Variants in AFF2 observed in about 807,000 individuals in gnomAD.
The protein encoded by AFF2 is AF4/FMR2 family member 2.
In AFF2, 14 loss-of-function variants were observed where a neutral mutation model predicts 76.9. The ratio of observed to expected loss-of-function variants is 0.18; its 90% CI spans 0.12 to 0.28. AFF2 has a LOEUF of 0.28. Ranked by LOEUF, AFF2 falls within the 10% of genes least tolerant of loss-of-function variation. The pLI, the probability that AFF2 is intolerant of heterozygous loss-of-function variation, is 1.00. For synonymous variants in AFF2, 398 were observed against 366.7 expected (o/e 1.09, Z -0.98); for missense variants, 868 against 1,001.1 (o/e 0.87, Z 1.79).
intron 4 of AFF2, among the ~76,000 whole-genome samples, chrX:148,837,335 T>C (rs1404464481): frequency 1.8e-5 from 2 of 111,839 alleles, no homozygotes; most frequent in Non-Finnish European, 3.8e-5. Context: ...AGAAGATGCA[T>C]TCTGTGCAGC....
At chrX:148,775,816 G>T (rs1557268511) in intron 3 of AFF2, among the ~76,000 whole-genome samples, 2 of 109,479 alleles carry the variant, frequency 1.8e-5, no homozygotes, top group African/African-American at 6.6e-5. Flanking sequence ...TATATTTAGG[G>T]TCTACCAGAT....
chrX:148,773,747 A>AAAGAAAGG (rs1266070454), intron 3 of AFF2, among the ~76,000 whole-genome samples: 1 of 74,063 alleles, frequency 1.4e-5, no homozygotes, highest in Admixed American at 1.6e-4. Flanking sequence ...AGAAAGAAAG[A>AAAGAAAGG]GAAAGAAAGA....
At chrX:148,612,090 C>A (rs1159977210) in intron 1 of AFF2, among the ~76,000 whole-genome samples, 1 of 111,620 alleles carries the variant, frequency 9.0e-6, no homozygotes, top group Admixed American at 9.5e-5. Flanking sequence ...CTTAGGAAAC[C>A]CCCTCAGTCT....
At chrX:148,769,409 A>C (rs1454597211) in intron 3 of AFF2, among the ~76,000 whole-genome samples, 1 of 111,686 alleles carries the variant, frequency 9.0e-6, no homozygotes, top group Non-Finnish European at 1.9e-5. Context: ...CCTGTAACAG[A>C]AGAAACTAAG....
At chrX:148,937,802 A>C (rs1345474824) in intron 9 of AFF2, among the ~76,000 whole-genome samples, 1 of 112,317 alleles carries the variant, frequency 8.9e-6, no homozygotes, top group Non-Finnish European at 1.9e-5. Context: ...TTTTTCAATA[A>C]TAGATTTAGT....
At chrX:148,793,307 A>T (rs2069924388) in intron 3 of AFF2, among the ~76,000 whole-genome samples, 1 of 111,611 alleles carries the variant, frequency 9.0e-6, no homozygotes, top group South Asian at 3.7e-4. Context: ...CAAGTGCATC[A>T]AAAAGGTGCC....
rs1348827638 is a variant in AFF2 at position 148,820,797 on chromosome X, TTAAA to T, written c.1086+10882_1086+10885del. Among the ~76,000 whole-genome samples the T allele has an allele frequency of 2.5e-3, 279 of 111,802 alleles. 2 individuals carry two copies. Among genetic ancestry groups the T allele is most frequent in the African/African-American group, 8.8e-3 (271 of 30,819 alleles). On this transcript the variant is annotated intron_variant, in intron 4 of 20. Coordinates refer to ENST00000370460, the MANE Select transcript of AFF2 (RefSeq NM_002025.4). The stretch of plus-strand genomic sequence containing the variant: ...AAACATGCATGTTTACCCCCTGAAC[TTAAA>T]TAAAAATGAAAAAACAATTTAAGAG...
At chrX:148,532,500 T>C (rs1047376536) in intron 1 of AFF2, among the ~76,000 whole-genome samples, 15 of 112,545 alleles carry the variant, frequency 1.3e-4, no homozygotes, top group Admixed American at 1.3e-3. Context: ...GGAATGACTT[T>C]ATGACAGTTC....
At chrX:148,778,111 A>G (rs1372233535) in intron 3 of AFF2, among the ~76,000 whole-genome samples, 2 of 111,778 alleles carry the variant, frequency 1.8e-5, no homozygotes, top group Non-Finnish European at 3.8e-5. Context: ...GGAGATAACC[A>G]TGTGGTTTTT....
chrX:148,660,516 T>A, intron 2 of AFF2, among the ~76,000 whole-genome samples: 1 of 112,108 alleles, frequency 8.9e-6, no homozygotes, highest in Non-Finnish European at 1.9e-5. Context: ...ATAGGTATAC[T>A]CCCTGTGTAC....
At chrX:148,808,910 T>C (rs1172348921) in intron 3 of AFF2, among the ~76,000 whole-genome samples, 4 of 111,685 alleles carry the variant, frequency 3.6e-5, no homozygotes, top group Non-Finnish European at 7.5e-5. Flanking sequence ...GAGTTAATAA[T>C]CGTCCTTGCA....
chrX:148,845,766 A>G (rs1557274693), intron 7 of AFF2, among the ~76,000 whole-genome samples: 1 of 111,661 alleles, frequency 9.0e-6, no homozygotes, highest in East Asian at 2.8e-4. Flanking sequence ...CAGACTGCTA[A>G]TGCCTGCGCC....
chrX:148,622,493 A>C (rs782582332), intron 1 of AFF2, among the ~76,000 whole-genome samples: 2 of 111,885 alleles, frequency 1.8e-5, no homozygotes, highest in South Asian at 7.5e-4. Context: ...CTTAAAGTCA[A>C]CTTGTTGTGA....
At chrX:148,650,791 A>G (rs192118879) in intron 1 of AFF2, among the ~76,000 whole-genome samples, 1 of 111,960 alleles carries the variant, frequency 8.9e-6, no homozygotes. Context: ...CCTACCAATG[A>G]CAGGTATTAA....
At position 148,997,147 on chromosome X, in the gene AFF2, T is replaced by G. The variant is rs1007995729; in HGVS notation, c.*5815T>G. 8.9e-6 allele frequency: 1 copy of G among 112,212 alleles called. No homozygotes were observed. Among genetic ancestry groups the G allele is most frequent in the Non-Finnish European group, 1.9e-5 (1 of 53,220 alleles). The allele number at this position is 112,212 out of a possible 1,213,427, so 9.2% of individuals were successfully genotyped here. ...TTTTAGCTCTGAACTCAAACCAGAA[T>G]ATCTCTGTATCAATTGCATGACTAT... On this transcript the variant is annotated 3_prime_UTR_variant, in exon 21 of 21. Transcript: ENST00000370460.
intron 3 of AFF2, among the ~76,000 whole-genome samples, chrX:148,783,191 A>G (rs1413873292): frequency 9.0e-6 from 1 of 111,539 alleles, no homozygotes; most frequent in Non-Finnish European, 1.9e-5. Flanking sequence ...GTATAAAGAA[A>G]AAAGCCAATT....
intron 9 of AFF2, among the ~76,000 whole-genome samples, chrX:148,907,762 T>G (rs2071424478): frequency 9.0e-6 from 1 of 111,511 alleles, no homozygotes; most frequent in Admixed American, 9.5e-5. Context: ...GCATTGTCAT[T>G]GATAACATCT....
At chrX:148,988,762 C>A (rs2072502232) in intron 20 of AFF2, among the ~76,000 whole-genome samples, 1 of 112,074 alleles carries the variant, frequency 8.9e-6, no homozygotes, top group Admixed American at 9.4e-5. Context: ...TACACTGACT[C>A]CTGGGAATAT....
intron 4 of AFF2, among the ~76,000 whole-genome samples, chrX:148,813,462 A>G (rs1391466186): frequency 8.9e-6 from 1 of 112,567 alleles, no homozygotes; most frequent in Non-Finnish European, 1.9e-5. Context: ...TAATAAAACA[A>G]TAGCAAATTT....
Sources: gnomAD v4.1 joint callset for allele counts (sites outside exome capture counted in the v4.1 genomes callset) on GRCh38, gnomAD v4.1.1 for gene constraint, MANE v1.5 for transcripts, NCBI Gene and HGNC (gene_info 2026-07-23, HGNC 2026-07-21) for gene names.